TYR: variants seen among roughly 807,000 people sequenced by gnomAD.
The protein encoded by TYR is LB24-AB.
In TYR, 58 loss-of-function variants were observed where a neutral mutation model predicts 51.5. That is an observed-to-expected ratio of 1.13 (90% CI 0.91 to 1.40). TYR has a LOEUF of 1.40. Ranked by LOEUF, TYR falls within the 40% of genes most tolerant of loss-of-function variation. The pLI is 0.00. For missense variants in TYR, 732 were observed against 647.4 expected, an observed-to-expected ratio of 1.13 and a Z score of -1.42; for synonymous variants, 263 against 235.2, an observed-to-expected ratio of 1.12 and a Z score of -1.08.
At chr11:89,249,683 AT>A in intron 3 of TYR, among the ~76,000 whole-genome samples, 1 of 152,148 alleles carries the variant, frequency 6.6e-6, no homozygotes, top group Middle Eastern at 3.4e-3. Flanking sequence ...AATAAGGAGC[AT>A]TTTTAAGTGG....
intron 2 of TYR, among the ~76,000 whole-genome samples, chr11:89,202,424 T>G (rs1943608685): frequency 6.6e-6 from 1 of 152,054 alleles, no homozygotes. Flanking sequence ...GCAGTTTTTT[T>G]TTTATAGTAA....
intron 2 of TYR, among the ~76,000 whole-genome samples, chr11:89,193,316 T>C (rs965254923): frequency 6.6e-6 from 1 of 152,102 alleles, no homozygotes; most frequent in Non-Finnish European, 1.5e-5. Flanking sequence ...ATCACTCGTC[T>C]AGGGTCTCAA....
At chr11:89,198,536 TA>T (rs1943554644) in intron 2 of TYR, among the ~76,000 whole-genome samples, 1 of 152,090 alleles carries the variant, frequency 6.6e-6, no homozygotes, top group East Asian at 1.9e-4. Flanking sequence ...GATCAGGCAA[TA>T]ATCCTGATAA....
chr11:89,288,944 G>A (rs1417892573), intron 4 of TYR, among the ~76,000 whole-genome samples: 1 of 151,920 alleles, frequency 6.6e-6, no homozygotes, highest in Admixed American at 6.6e-5. Context: ...TCATCAACCA[G>A]GTACTCATGT....
intron 1 of TYR, among the ~76,000 whole-genome samples, chr11:89,187,143 A>G (rs1234200309): frequency 6.6e-6 from 1 of 152,120 alleles, no homozygotes; most frequent in Non-Finnish European, 1.5e-5. Flanking sequence ...TTCACTATAG[A>G]CTGAGACTGT....
intron 2 of TYR, among the ~76,000 whole-genome samples, chr11:89,212,811 T>C (rs891500413): frequency 6.6e-6 from 1 of 152,120 alleles, no homozygotes; most frequent in Non-Finnish European, 1.5e-5. Flanking sequence ...TGTAAATCCA[T>C]CACATAAACA....
In TYR at chr11:89,261,579, A is replaced by G. The variant is rs143276268; in HGVS notation, c.1185-23194A>G. On this transcript the variant is annotated intron_variant, in intron 3 of 4. Transcript: ENST00000263321. ...CAATACATGAAGCAAAAACTGACAA[A>G]CTGAAGGGAAACATTTGCAAGTCAA... 4.7e-4 allele frequency among the ~76,000 whole-genome samples: 72 copies of G among 152,288 alleles called. 1 individual carries two copies. In the East Asian group the frequency reaches 0.013, roughly 28 times the overall value.
chr11:89,192,982 G>T (rs1943466106), intron 2 of TYR, among the ~76,000 whole-genome samples: 1 of 152,060 alleles, frequency 6.6e-6, no homozygotes. Context: ...ATCAACAGTG[G>T]GTTGAGAGTT....
chr11:89,287,526 A>C (rs1042837184), intron 4 of TYR, among the ~76,000 whole-genome samples: 3 of 151,870 alleles, frequency 2.0e-5, no homozygotes, highest in Non-Finnish European at 4.4e-5. Flanking sequence ...ACCATGGAAG[A>C]GAAAGATCTT....
At chr11:89,292,910 C>G (rs1944866408) in intron 4 of TYR, among the ~76,000 whole-genome samples, 2 of 152,066 alleles carry the variant, frequency 1.3e-5, no homozygotes, top group African/African-American at 4.8e-5. Flanking sequence ...GGGATTTCAA[C>G]TTTTTGTAAA....
At position 89,227,868 on chromosome 11, in the gene TYR, G is replaced by C; in HGVS notation, c.1082G>C (p.Ser361Thr). 1 of 1,613,350 alleles carries C rather than the reference G, an allele frequency of 6.2e-7. No homozygotes were observed. The highest frequency in any genetic ancestry group is 8.5e-7 in the Non-Finnish European group (1 of 1,179,660). Residue 361 changes from serine (S) to threonine (T), a missense_variant, in exon 3 of 5, where the codon AGC (serine) becomes ACC (threonine). By Grantham distance (58) the Ser-to-Thr change is moderately conservative. Coordinates refer to ENST00000263321, the MANE Select transcript of TYR (RefSeq NM_000372.5). ...GGGATAGCGGATGCCTCTCAAAGCA[G>C]CATGCACAATGCCTTGCACATCTAT... ...LTGIADASQSSMHNALHIYMN... is the reference protein window; with the variant it reads ...LTGIADASQSTMHNALHIYMN...
chr11:89,231,291 A>C (rs2135284485), intron 3 of TYR, among the ~76,000 whole-genome samples: 1 of 152,196 alleles, frequency 6.6e-6, no homozygotes, highest in African/African-American at 2.4e-5. Context: ...CTATCATATG[A>C]TTCAGCAGTT....
chr11:89,274,563 G>T (rs1944629262), intron 3 of TYR, among the ~76,000 whole-genome samples: 1 of 151,860 alleles, frequency 6.6e-6, no homozygotes, highest in Admixed American at 6.6e-5. Flanking sequence ...ATGTCTTACA[G>T]CTCTTTAAAG....
At chr11:89,281,670 T>C (rs912023063) in intron 3 of TYR, among the ~76,000 whole-genome samples, 8 of 151,806 alleles carry the variant, frequency 5.3e-5, no homozygotes, top group Non-Finnish European at 1.2e-4. Flanking sequence ...AATTCTCTCA[T>C]GGGTCCAAGA....
intron 3 of TYR, among the ~76,000 whole-genome samples, chr11:89,271,972 A>G (rs1161731476): frequency 6.6e-6 from 1 of 151,698 alleles, no homozygotes; most frequent in East Asian, 2.0e-4. Flanking sequence ...GTCTACTTGT[A>G]CTCCAGTTCT....
At chr11:89,239,353 A>C (rs576731837) in intron 3 of TYR, among the ~76,000 whole-genome samples, 1 of 152,012 alleles carries the variant, frequency 6.6e-6, no homozygotes, top group Non-Finnish European at 1.5e-5. Flanking sequence ...AGTTTACCCA[A>C]TTCGTTGTTC....
chr11:89,198,756 T>TATATAC (rs1259937310), intron 2 of TYR, among the ~76,000 whole-genome samples: 1 of 149,900 alleles, frequency 6.7e-6, no homozygotes, highest in Non-Finnish European at 1.5e-5. Flanking sequence ...TTTTTTCTCA[T>TATATAC]ATATATATAT....
At chr11:89,254,485 C>T (rs1389139238) in intron 3 of TYR, among the ~76,000 whole-genome samples, 1 of 151,568 alleles carries the variant, frequency 6.6e-6, no homozygotes, top group Non-Finnish European at 1.5e-5. Flanking sequence ...AATTTCCTTA[C>T]CATTTCAATG....
At chr11:89,285,275 C>T (rs1292346360) in intron 4 of TYR, among the ~76,000 whole-genome samples, 1 of 151,718 alleles carries the variant, frequency 6.6e-6, no homozygotes, top group East Asian at 2.0e-4. Context: ...GAAATTCACT[C>T]TACATCCCTG....
Sources: allele counts gnomAD v4.1 joint callset (sites outside exome capture counted in the v4.1 genomes callset), GRCh38; gene constraint gnomAD v4.1.1; transcripts MANE v1.5; gene names NCBI Gene and HGNC (gene_info 2026-07-23, HGNC 2026-07-21).